UHRF1: variants seen among roughly 807,000 people sequenced by gnomAD.
UHRF1 encodes the protein E3 ubiquitin-protein ligase UHRF1.
In UHRF1, 9 loss-of-function variants were observed where a neutral mutation model predicts 96.5. The ratio of observed to expected loss-of-function variants is 0.09; its 90% confidence interval spans 0.06 to 0.16. The LOEUF is 0.16. Among genes scored for constraint, UHRF1 ranks in the 10% least tolerant of loss-of-function variants. The pLI is 1.00. For missense variants in UHRF1, 626 were observed against 1,131.1 expected (o/e 0.55, Z 6.40); for synonymous variants, 455 against 469.9 (o/e 0.97, Z 0.41).
rs568932397 is a variant in UHRF1, at chr19:4,929,113, C to CCG, written c.154-108_154-107insGC. ...TGGCTCTTTACTCTGATGCAGATTG[C>CCG]CCCCCCCCCACAAGGGCTGGGACAC... is the stretch of plus-strand genomic sequence containing the variant. On this transcript the variant is annotated intron_variant, in intron 2 of 16. Coordinates refer to ENST00000650932, the MANE Select transcript of UHRF1 (RefSeq NM_001048201.3). The CCG allele has an allele frequency of 7.1e-6, 4 of 564,888 alleles. No homozygotes were observed. In the African/African-American group the frequency reaches 2.8e-4, roughly 40 times the overall value. The allele number at this position is 564,888 out of a possible 1,614,324, so 35.0% of individuals were successfully genotyped here. A position where few individuals can be genotyped will look rare whatever the true frequency, so the allele number is the denominator to read the frequency against.
intron 1 of UHRF1, 42 bp downstream of exon 1, chr19:4,909,697 C>A (rs2032173076): frequency 9.9e-6 from 5 of 507,288 alleles, no homozygotes; most frequent in Non-Finnish European, 1.7e-5. Context: ...CCGGGCCGGG[C>A]GCACGGGGCT....
intron 2 of UHRF1, among the ~76,000 whole-genome samples, chr19:4,915,329 G>T (rs2602708): frequency 4.6e-5 from 7 of 152,012 alleles, no homozygotes; most frequent in Non-Finnish European, 7.4e-5. Context: ...CTCTGTTAGG[G>T]TGACTCACCA....
At chr19:4,952,804 C>T (rs576346173) in intron 13 of UHRF1, among the ~76,000 whole-genome samples, 11 of 152,044 alleles carry the variant, frequency 7.2e-5, no homozygotes, top group African/African-American at 1.9e-4. Flanking sequence ...CGAAATGGAG[C>T]GATGATGCCC....
rs17881538 is a variant in UHRF1, at chr19:4,930,533, C to T, written c.409-183C>T. 5.5e-3 allele frequency among the ~76,000 whole-genome samples: 831 copies of T among 152,362 alleles called. 5 individuals carry two copies. The highest frequency in any genetic ancestry group is 0.019 in the African/African-American group (787 of 41,594). ...TCCATGCCCCCTGGCCCCGCATCCC[C>T]GTCACCCCTGCCGGGGCTGGTTTCT... is the stretch of plus-strand genomic sequence containing the variant. On this transcript the variant is annotated intron_variant, in intron 3 of 16. Transcript: ENST00000650932. The surrounding 1 kb of genome is among the most constrained non-coding windows in gnomAD (Gnocchi z 4.4).
At chr19:4,937,742 G>T (rs1256016544) in intron 5 of UHRF1, among the ~76,000 whole-genome samples, 1 of 152,162 alleles carries the variant, frequency 6.6e-6, no homozygotes, top group Non-Finnish European at 1.5e-5. Flanking sequence ...TTGTTGGTTG[G>T]TCAATACCAG....
chr19:4,918,593 T>C (rs1265644902), intron 2 of UHRF1, among the ~76,000 whole-genome samples: 1 of 147,494 alleles, frequency 6.8e-6, no homozygotes, highest in Non-Finnish European at 1.5e-5. Context: ...TTTGTATTTT[T>C]AGTAGAGACG....
chr19:4,922,726 A>G (rs1568411819), intron 2 of UHRF1, among the ~76,000 whole-genome samples: 1 of 152,176 alleles, frequency 6.6e-6, no homozygotes, highest in Admixed American at 6.6e-5. Flanking sequence ...CAGAAGCGGC[A>G]TCAGGAGGCT....
chr19:4,915,632 C>T (rs2032467749), intron 2 of UHRF1, among the ~76,000 whole-genome samples: 1 of 151,988 alleles, frequency 6.6e-6, no homozygotes, highest in South Asian at 2.1e-4. Context: ...TCGCTTGAAC[C>T]TGGGAGGTGG....
chr19:4,928,204 C>T (rs2032933710), intron 2 of UHRF1, among the ~76,000 whole-genome samples: 1 of 151,990 alleles, frequency 6.6e-6, no homozygotes, highest in Non-Finnish European at 1.5e-5. Flanking sequence ...GGACGCTGCT[C>T]AGCACCCTGC....
At chr19:4,932,642 C>A in intron 4 of UHRF1, 99 bp from the exon 5 acceptor site, 2 of 1,322,338 alleles carry the variant, frequency 1.5e-6, no homozygotes, top group Non-Finnish European at 2.1e-6. Flanking sequence ...GGGGCCTCTG[C>A]ACACTGTCGG....
chr19:4,926,846 C>T (rs552865946), intron 2 of UHRF1, among the ~76,000 whole-genome samples: 2 of 151,954 alleles, frequency 1.3e-5, no homozygotes, highest in East Asian at 3.9e-4. Flanking sequence ...GGGCGGATCA[C>T]GAGGTCAGGA....
intron 5 of UHRF1, among the ~76,000 whole-genome samples, chr19:4,935,096 C>T (rs2033177089): frequency 6.6e-6 from 1 of 152,094 alleles, no homozygotes. Flanking sequence ...GCCTCACCCT[C>T]CTGAGTAGCT....
chr19:4,958,570 C>T (rs923178644), intron 16 of UHRF1, among the ~76,000 whole-genome samples: 12 of 152,252 alleles, frequency 7.9e-5, no homozygotes, highest in Non-Finnish European at 1.6e-4. Flanking sequence ...TAACCAGCAT[C>T]ACGGTGTCCC....
intron 1 of UHRF1, chr19:4,910,504 A>G (rs1857131264): frequency 5.8e-6 from 1 of 171,900 alleles, no homozygotes; most frequent in Non-Finnish European, 1.2e-5. Flanking sequence ...CGTAAATAGG[A>G]ATCCGAGGAA....
At chr19:4,955,550 A>G (rs1389889724) in intron 15 of UHRF1, among the ~76,000 whole-genome samples, 1 of 151,930 alleles carries the variant, frequency 6.6e-6, no homozygotes, top group African/African-American at 2.4e-5. Context: ...TGCAGGTCTC[A>G]GGATTCAGCT....
At chr19:4,941,038 C>T (rs1035082763) in intron 5 of UHRF1, among the ~76,000 whole-genome samples, 7 of 148,680 alleles carry the variant, frequency 4.7e-5, no homozygotes, top group Non-Finnish European at 8.9e-5. Context: ...GGTTCAAACT[C>T]ATTCTTCCCA....
At chr19:4,916,549 C>T (rs936380585) in intron 2 of UHRF1, among the ~76,000 whole-genome samples, 11 of 152,238 alleles carry the variant, frequency 7.2e-5, no homozygotes, top group Admixed American at 2.0e-4. Context: ...CTGTCCTCAG[C>T]GGTGACCCGG....
chr19:4,935,859 C>T (rs564851971), intron 5 of UHRF1, among the ~76,000 whole-genome samples: 59 of 152,220 alleles, frequency 3.9e-4, no homozygotes, highest in Admixed American at 1.8e-3. Flanking sequence ...AGGCTCCATC[C>T]GCACCAGTTA....
Position 4,936,116 on chromosome 19 carries a change from G to A in UHRF1, c.785+3160G>A, listed in dbSNP as rs574959274. Among the ~76,000 whole-genome samples, 257 of 152,282 alleles carry A rather than the reference G, an allele frequency of 1.7e-3. 1 individual carries two copies. Among genetic ancestry groups the A allele is most frequent in the African/African-American group, 6.0e-3 (248 of 41,572 alleles). ...CCTCTGGGGATGCAGGAGGCACAGC[G>A]GGAAAGGGAACAGGTGCTCGGTCCA... On this transcript the variant is annotated intron_variant, in intron 5 of 16. Transcript: ENST00000650932.
Sources: allele counts gnomAD v4.1 joint callset (sites outside exome capture counted in the v4.1 genomes callset), GRCh38; gene constraint gnomAD v4.1.1; non-coding constraint Gnocchi (gnomAD v3.1); transcripts MANE v1.5; gene names NCBI Gene and HGNC (gene_info 2026-07-23, HGNC 2026-07-21).